Variants in NRG1 observed in about 807,000 individuals in gnomAD.
The protein encoded by NRG1 is neuregulin 1, also known as pro-neuregulin-1, membrane-bound isoform.
A neutral mutation model predicts 63.8 loss-of-function variants in NRG1; 18 were observed. That is an observed-to-expected ratio of 0.28 (90% CI 0.19 to 0.42). NRG1 has a LOEUF of 0.42. Among genes scored for constraint, NRG1 ranks in the 10% least tolerant of loss-of-function variants. The pLI is 1.00. For missense variants in NRG1, 762 were observed against 814.7 expected, an observed-to-expected ratio of 0.94 and a Z score of 0.79; for synonymous variants, 302 against 301.3, an observed-to-expected ratio of 1.00 and a Z score of -0.02.
At chr8:31,725,896 AATTG>A (rs1813385691) in intron 1 of NRG1, among the ~76,000 whole-genome samples, 1 of 152,148 alleles carries the variant, frequency 6.6e-6, no homozygotes, top group Non-Finnish European at 1.5e-5. Context: ...TAGTCGCTGT[AATTG>A]TATTGAAGAA....
intron 2 of NRG1, among the ~76,000 whole-genome samples, chr8:32,596,540 C>T (rs1378385520): frequency 6.7e-6 from 1 of 148,534 alleles, no homozygotes; most frequent in Non-Finnish European, 1.5e-5. Flanking sequence ...GTGGAGGTTG[C>T]AGTAAGCCAA....
intron 1 of NRG1, among the ~76,000 whole-genome samples, chr8:32,322,189 TAAAAAAAAAG>T (rs879655992): frequency 6.8e-6 from 1 of 148,098 alleles, no homozygotes; most frequent in African/African-American, 2.5e-5. Context: ...ACCCCATCTC[TAAAAAAAAAG>T]AAAAAAAAAG....
At chr8:31,784,868 T>A (rs1820028927) in intron 1 of NRG1, among the ~76,000 whole-genome samples, 1 of 152,198 alleles carries the variant, frequency 6.6e-6, no homozygotes, top group South Asian at 2.1e-4. Context: ...TGTAGGAAGA[T>A]CTTCAAAGAT....
chr8:32,312,117 C>T (rs1856863955), intron 1 of NRG1, among the ~76,000 whole-genome samples: 1 of 148,594 alleles, frequency 6.7e-6, no homozygotes, highest in Admixed American at 6.8e-5. Context: ...TTCTAGAACA[C>T]GATGAAGTGG....
intron 1 of NRG1, chr8:31,639,750 CTTT>C (rs527318845): frequency 1.1e-4 from 126 of 1,177,892 alleles, no homozygotes; most frequent in South Asian, 3.7e-4. Flanking sequence ...TCTATTTTGC[CTTT>C]TTTTTTTTTG....
chr8:32,647,274 C>G (rs1563844563), intron 5 of NRG1: 3 of 985,284 alleles, frequency 3.0e-6, no homozygotes, highest in Non-Finnish European at 2.4e-6. Flanking sequence ...GCCGCTGGTC[C>G]TCCTTCTGCT....
At chr8:32,641,382 A>G (rs1485156046) in intron 5 of NRG1, among the ~76,000 whole-genome samples, 1 of 152,116 alleles carries the variant, frequency 6.6e-6, no homozygotes, top group Non-Finnish European at 1.5e-5. Context: ...TTGTGCAACC[A>G]CCCCTTCCAT....
chr8:32,295,759 C>T (rs1854768078), intron 1 of NRG1, among the ~76,000 whole-genome samples: 1 of 151,884 alleles, frequency 6.6e-6, no homozygotes, highest in Middle Eastern at 3.4e-3. Context: ...ACCAGCCTGG[C>T]CAACATGGTA....
chr8:32,068,632 C>T (rs1434648314), intron 1 of NRG1, among the ~76,000 whole-genome samples: 2 of 152,078 alleles, frequency 1.3e-5, no homozygotes, highest in Admixed American at 6.6e-5. Flanking sequence ...ATGGCATTAC[C>T]CCTTCTGAGG....
intron 1 of NRG1, among the ~76,000 whole-genome samples, chr8:31,798,150 T>C (rs1458632405): frequency 2.6e-5 from 4 of 152,090 alleles, no homozygotes; most frequent in African/African-American, 9.7e-5. Flanking sequence ...TGTGGCACTG[T>C]AGGGTTAAAT....
rs530058570 is a variant in NRG1 at position 32,115,536 on chromosome 8, C to T, written c.37+476105C>T. Among the ~76,000 whole-genome samples the T allele has an allele frequency of 2.9e-4, 44 of 152,122 alleles. 1 individual carries two copies. The highest frequency in any genetic ancestry group is 9.9e-4 in the African/African-American group (41 of 41,508). ...AAGTCTTCCTCGTTGTCATTGTCTT[C>T]AGGTTGAGTAGCTGAGGAGGAGGAG... On this transcript the variant is annotated intron_variant, in intron 1 of 10. Coordinates refer to the NRG1 transcript ENST00000519301.
chr8:32,037,399 A>C (rs7001669), intron 1 of NRG1, among the ~76,000 whole-genome samples: 5,914 of 152,308 alleles, frequency 0.039, 390 homozygotes, highest in African/African-American at 0.13. Flanking sequence ...TCACCGACTC[A>C]GGAGGAACAG....
At chr8:32,285,300 G>A (rs542778869) in intron 1 of NRG1, among the ~76,000 whole-genome samples, 1 of 152,186 alleles carries the variant, frequency 6.6e-6, no homozygotes, top group African/African-American at 2.4e-5. Flanking sequence ...CTGCTGCACT[G>A]GTGATAGAGG....
intron 1 of NRG1, among the ~76,000 whole-genome samples, chr8:32,252,351 C>T (rs1300536185): frequency 1.3e-5 from 2 of 151,990 alleles, no homozygotes; most frequent in Non-Finnish European, 2.9e-5. Flanking sequence ...GTCTTTAATC[C>T]ATCTTGAGTT....
chr8:32,019,929 C>T (rs1816169109), intron 1 of NRG1, among the ~76,000 whole-genome samples: 1 of 152,166 alleles, frequency 6.6e-6, no homozygotes, highest in South Asian at 2.1e-4. Context: ...CAAACTCCTC[C>T]AGCTTCTTGT....
chr8:31,847,494 G>A (rs1826801079), intron 1 of NRG1, among the ~76,000 whole-genome samples: 1 of 152,206 alleles, frequency 6.6e-6, no homozygotes, highest in Non-Finnish European at 1.5e-5. Context: ...GGATGGGGCT[G>A]TTGAAGCAGC....
chr8:31,868,156 A>T (rs887228778), intron 1 of NRG1, among the ~76,000 whole-genome samples: 6 of 117,962 alleles, frequency 5.1e-5, no homozygotes, highest in South Asian at 2.4e-4. Context: ...TTACACACAC[A>T]CACACACACA....
At position 31,640,549 on chromosome 8, in the gene NRG1, G is replaced by C. The variant is rs760535582; in HGVS notation, c.37+1118G>C. On this transcript the variant is annotated intron_variant, in intron 1 of 10. Coordinates refer to the NRG1 transcript ENST00000519301. This position sits in a 1 kb window ranked among gnomAD's most constrained non-coding sequence, Gnocchi z 6.3. ...GCTCACCGTGCGCCTGGGGACCTGG[G>C]GCCACCCCGCCTTCCCCTCCTGCGG... 14 of 1,611,702 alleles carry C rather than the reference G, an allele frequency of 8.7e-6. No individual in the cohort carries two copies. In the East Asian group the frequency reaches 1.3e-4, roughly 15 times the overall value.
chr8:31,935,505 GCCTCAGCCTCCCAA>G (rs1835227559), intron 1 of NRG1, among the ~76,000 whole-genome samples: 3 of 152,110 alleles, frequency 2.0e-5, no homozygotes, highest in Non-Finnish European at 4.4e-5. Flanking sequence ...TGGTCCTCCC[GCCTCAGCCTCCCAA>G]AAGGTTGGGA....
Sources: gnomAD v4.1 joint callset for allele counts (sites outside exome capture counted in the v4.1 genomes callset) on GRCh38, gnomAD v4.1.1 for gene constraint, Gnocchi (gnomAD v3.1) non-coding constraint, MANE v1.5 for transcripts, NCBI Gene and HGNC (gene_info 2026-07-23, HGNC 2026-07-21) for gene names.